EPHA5: variants seen among roughly 807,000 people sequenced by gnomAD.
EPHA5 encodes the protein ephrin type-A receptor 5.
A neutral mutation model predicts 105.0 loss-of-function variants in EPHA5; 60 were observed. That is an observed-to-expected ratio of 0.57 (90% CI 0.46 to 0.71). EPHA5 has a LOEUF of 0.71. Among genes scored for constraint, EPHA5 ranks in the 30% least tolerant of loss-of-function variants. The pLI is 0.00. For synonymous variants in EPHA5, 513 were observed against 449.1 expected, an observed-to-expected ratio of 1.14 and a Z score of -1.80; for missense variants, 1,218 against 1,274.7, an observed-to-expected ratio of 0.96 and a Z score of 0.68.
chr4:65,460,683 A>G (rs966288054), intron 5 of EPHA5, among the ~76,000 whole-genome samples: 1 of 151,782 alleles, frequency 6.6e-6, no homozygotes, highest in Non-Finnish European at 1.5e-5. Flanking sequence ...CTAAGTGTTC[A>G]CAGTAGTTTT....
chr4:65,331,376 A>G (rs530228539), intron 16 of EPHA5: 4 of 1,041,932 alleles, frequency 3.8e-6, no homozygotes, highest in African/African-American at 1.7e-5. Flanking sequence ...ATTTTATCTT[A>G]AACGTGCAAA....
intron 5 of EPHA5, among the ~76,000 whole-genome samples, chr4:65,484,959 T>C (rs191048980): frequency 2.2e-4 from 33 of 152,108 alleles, no homozygotes; most frequent in Admixed American, 1.0e-3. Flanking sequence ...AGAAGTGTTG[T>C]CATGTAAATA....
intron 2 of EPHA5, among the ~76,000 whole-genome samples, chr4:65,614,862 A>C (rs1745090398): frequency 6.6e-6 from 1 of 151,848 alleles, no homozygotes; most frequent in African/African-American, 2.4e-5. Flanking sequence ...TGCCAAAGTA[A>C]GTCTGAAACA....
At chr4:65,658,243 T>C (rs1164745630) in intron 1 of EPHA5, among the ~76,000 whole-genome samples, 1 of 152,040 alleles carries the variant, frequency 6.6e-6, no homozygotes, top group Non-Finnish European at 1.5e-5. Context: ...CCTATTGCAC[T>C]AAGAGCAGTT....
rs144710283 is a variant in EPHA5, at chr4:65,574,801, C to T, written c.910+26840G>A. On this transcript the variant is annotated intron_variant, in intron 3 of 16. Coordinates refer to ENST00000613740, the MANE Select transcript of EPHA5 (RefSeq NM_001281766.3). ...AGTATTGAATACTATGGCAGAATTGCTCTAGTGATACTGTTTTTGTAAAAA... is the reference window on the plus strand; with the variant it reads ...AGTATTGAATACTATGGCAGAATTGTTCTAGTGATACTGTTTTTGTAAAAA... 1.4e-3 allele frequency among the ~76,000 whole-genome samples: 212 copies of T among 147,514 alleles called. 1 individual carries two copies. Among genetic ancestry groups the T allele is most frequent in the African/African-American group, 5.1e-3 (203 of 40,022 alleles).
At chr4:65,416,701 T>C (rs1035924862) in intron 6 of EPHA5, among the ~76,000 whole-genome samples, 3 of 152,210 alleles carry the variant, frequency 2.0e-5, no homozygotes, top group Non-Finnish European at 4.4e-5. Flanking sequence ...GTTAACGTTA[T>C]GTATGTCTCA....
Position 65,420,572 on chromosome 4 carries a change from A to AAT in EPHA5, c.1403-9_1403-8dup. ...TTGGTGACTGGAGATGGAGCTGCAAAATAGTTTAAATAAGGAGCAGTATGA... is the reference window on the plus strand; with the variant it reads ...TTGGTGACTGGAGATGGAGCTGCAAAATATAGTTTAAATAAGGAGCAGTATGA... On this transcript the variant is annotated splice_polypyrimidine_tract_variant and splice_region_variant and intron_variant, in intron 5 of 16. Coordinates refer to ENST00000613740, the MANE Select transcript of EPHA5 (RefSeq NM_001281766.3). The AAT allele has an allele frequency of 6.2e-7, 1 of 1,611,652 alleles. No homozygotes were observed. The highest frequency in any genetic ancestry group is 8.5e-7 in the Non-Finnish European group (1 of 1,178,964).
At chr4:65,468,186 A>G (rs28653177) in intron 5 of EPHA5, among the ~76,000 whole-genome samples, 22,048 of 152,118 alleles carry the variant, frequency 0.14, 1,793 homozygotes, top group East Asian at 0.23. Flanking sequence ...CTGTATATAC[A>G]TATTTATCAA....
intron 8 of EPHA5, among the ~76,000 whole-genome samples, chr4:65,393,760 A>G (rs1226855741): frequency 6.6e-6 from 1 of 152,194 alleles, no homozygotes; most frequent in African/African-American, 2.4e-5. Flanking sequence ...CTTTTAGATT[A>G]AGCCACTCTA....
intron 14 of EPHA5, among the ~76,000 whole-genome samples, chr4:65,340,281 C>T (rs143004020): frequency 1.5e-4 from 23 of 152,132 alleles, no homozygotes; most frequent in Non-Finnish European, 2.4e-4. Context: ...CTTCATGTTG[C>T]GATATATATA....
intron 2 of EPHA5, among the ~76,000 whole-genome samples, chr4:65,616,280 C>T (rs191294299): frequency 2.0e-5 from 3 of 151,544 alleles, no homozygotes; most frequent in East Asian, 1.9e-4. Context: ...GTTAGATCTG[C>T]GGATGAGGGA....
At chr4:65,337,393 C>T (rs1448253770) in intron 14 of EPHA5, among the ~76,000 whole-genome samples, 1 of 152,074 alleles carries the variant, frequency 6.6e-6, no homozygotes, top group East Asian at 1.9e-4. Context: ...TCTTCCTGGC[C>T]TCTGATAGCC....
intron 5 of EPHA5, among the ~76,000 whole-genome samples, chr4:65,460,637 TTAG>T (rs1321359731): frequency 6.6e-6 from 1 of 151,710 alleles, no homozygotes; most frequent in Non-Finnish European, 1.5e-5. Context: ...ACTCATTGTC[TTAG>T]TAGATAGGCA....
intron 5 of EPHA5, among the ~76,000 whole-genome samples, chr4:65,424,404 T>C (rs574017655): frequency 2.0e-4 from 30 of 152,246 alleles, no homozygotes; most frequent in African/African-American, 6.7e-4. Context: ...GACATTTCTA[T>C]GTAATTCTGT....
rs116621436 is a variant in EPHA5 at position 65,509,855 on chromosome 4, G to A, written c.911-14312C>T. On this transcript the variant is annotated intron_variant, in intron 3 of 16. Transcript: ENST00000613740. ...TCAGATGAAGTGAATAGTAAATTTC[G>A]ATTTTATAAGTACAATGCTAGACAA... 2.8e-3 allele frequency among the ~76,000 whole-genome samples: 427 copies of A among 152,086 alleles called. 1 individual carries two copies. Among genetic ancestry groups the A allele is most frequent in the African/African-American group, 9.7e-3 (403 of 41,506 alleles).
chr4:65,382,679 G>T (rs1719676697), intron 8 of EPHA5, among the ~76,000 whole-genome samples: 1 of 151,578 alleles, frequency 6.6e-6, no homozygotes, highest in Non-Finnish European at 1.5e-5. Context: ...GAATCAACAA[G>T]GAAGCTTAAA....
At chr4:65,535,432 A>G (rs1347494640) in intron 3 of EPHA5, among the ~76,000 whole-genome samples, 1 of 152,094 alleles carries the variant, frequency 6.6e-6, no homozygotes, top group Non-Finnish European at 1.5e-5. Context: ...TAAGTCTCAA[A>G]CCAGAGTTTC....
intron 3 of EPHA5, among the ~76,000 whole-genome samples, chr4:65,533,772 A>G (rs1189273160): frequency 6.6e-6 from 1 of 151,974 alleles, no homozygotes; most frequent in Admixed American, 6.6e-5. Context: ...CATCTCTACT[A>G]AAAATACAAA....
Position 65,353,025 on chromosome 4 carries a change from T to A in EPHA5, c.2235+17A>T. ...ATAAATAACACCTTGAATAACTAAA[T>A]TATTCCCCAATCCTACCTTCAAAAA... On this transcript the variant is annotated intron_variant, in intron 12 of 16. Transcript: ENST00000613740. 6.7e-7 allele frequency: 1 copy of A among 1,490,548 alleles called. No homozygotes were observed. Among genetic ancestry groups the A allele is most frequent in the Non-Finnish European group, 9.1e-7 (1 of 1,098,092 alleles). 92.3% of individuals were successfully genotyped at this position (1,490,548 alleles called of 1,614,324 possible). A position where few individuals can be genotyped will look rare whatever the true frequency, so the allele number is the denominator to read the frequency against.
Sources: allele counts gnomAD v4.1 joint callset (sites outside exome capture counted in the v4.1 genomes callset), GRCh38; gene constraint gnomAD v4.1.1; transcripts MANE v1.5; gene names NCBI Gene and HGNC (gene_info 2026-07-23, HGNC 2026-07-21).